Variants in ALK observed in about 807,000 individuals in gnomAD.
ALK encodes ALK receptor tyrosine kinase.
In ALK, 74 loss-of-function variants were observed where a neutral mutation model predicts 163.1. That is an observed-to-expected ratio of 0.45 (90% CI 0.38 to 0.55). The LOEUF (loss-of-function observed/expected upper bound fraction) is 0.55. Ranked by LOEUF, ALK falls within the 20% of genes least tolerant of loss-of-function variation. The probability of loss-of-function intolerance (pLI) is 0.00; values close to 1 mark genes in which losing one functional copy is unlikely to be tolerated. For missense variants in ALK, 2,063 were observed against 2,105.3 expected, an observed-to-expected ratio of 0.98 and a Z score of 0.39; for synonymous variants, 960 against 843.2, an observed-to-expected ratio of 1.14 and a Z score of -2.40.
At chr2:29,429,759 C>A (rs940977119) in intron 4 of ALK, among the ~76,000 whole-genome samples, 7 of 151,930 alleles carry the variant, frequency 4.6e-5, no homozygotes. Flanking sequence ...TTTCGAGGGA[C>A]CCCAAATAGC....
intron 1 of ALK, among the ~76,000 whole-genome samples, chr2:29,829,417 AG>A (rs1384530248): frequency 3.3e-5 from 5 of 152,024 alleles, no homozygotes; most frequent in Non-Finnish European, 5.9e-5. Flanking sequence ...GTCTCTTTCA[AG>A]GCTGGGGAGT....
chr2:29,859,747 G>A (rs1322106229), intron 1 of ALK, among the ~76,000 whole-genome samples: 1 of 152,218 alleles, frequency 6.6e-6, no homozygotes, highest in Non-Finnish European at 1.5e-5. Context: ...TGTCAGGGGA[G>A]GAGAAGACGG....
chr2:29,680,397 T>C (rs1258061954), intron 3 of ALK, among the ~76,000 whole-genome samples: 1 of 152,120 alleles, frequency 6.6e-6, no homozygotes, highest in Non-Finnish European at 1.5e-5. Flanking sequence ...TTCTTTAGGG[T>C]GAAAAATTTA....
intron 11 of ALK, among the ~76,000 whole-genome samples, chr2:29,251,471 G>A (rs1469389750): frequency 2.6e-5 from 4 of 152,236 alleles, no homozygotes; most frequent in African/African-American, 9.6e-5. Flanking sequence ...CCCTGAGTCA[G>A]AGACAAAGAT....
chr2:29,218,074 G>A (rs1244215378), intron 23 of ALK, among the ~76,000 whole-genome samples: 1 of 152,146 alleles, frequency 6.6e-6, no homozygotes, highest in African/African-American at 2.4e-5. Flanking sequence ...CCCCAGGGAA[G>A]CTGCTGCCAC....
At position 29,193,050 on chromosome 2, in the gene ALK, G is replaced by T; in HGVS notation, c.*174C>A. 1 of 706,396 alleles carries T rather than the reference G, an allele frequency of 1.4e-6. No homozygotes were observed. The highest frequency in any genetic ancestry group is 2.5e-6 in the Non-Finnish European group (1 of 406,082). The allele number at this position is 706,396 out of a possible 1,614,324, so 43.8% of individuals were successfully genotyped here. A position where few individuals can be genotyped will look rare whatever the true frequency, so the allele number is the denominator to read the frequency against. On this transcript the variant is annotated 3_prime_UTR_variant, in exon 29 of 29. Transcript: ENST00000389048. ...TTTCGAAAGAATAGGATGAACCCATGCTCAAAACCTTTCTAAAGCATTTTC... is the reference window on the plus strand; with the variant it reads ...TTTCGAAAGAATAGGATGAACCCATTCTCAAAACCTTTCTAAAGCATTTTC...
chr2:29,481,576 C>T (rs764531156), intron 4 of ALK, among the ~76,000 whole-genome samples: 6 of 152,136 alleles, frequency 3.9e-5, no homozygotes, highest in African/African-American at 1.2e-4. Flanking sequence ...CTAGAATCTC[C>T]GACTTTGGCA....
At chr2:29,754,145 C>T (rs1351319291) in intron 1 of ALK, among the ~76,000 whole-genome samples, 1 of 152,212 alleles carries the variant, frequency 6.6e-6, no homozygotes, top group African/African-American at 2.4e-5. Context: ...AGGCAGTGCT[C>T]ATTCTGTTCT....
intron 13 of ALK, 37 bp from the exon 14 acceptor site, chr2:29,233,733 A>G: frequency 6.2e-7 from 1 of 1,613,960 alleles, no homozygotes; most frequent in Admixed American, 1.7e-5. Flanking sequence ...TTGTGGCCAA[A>G]CCAGAGTTCT....
intron 1 of ALK, among the ~76,000 whole-genome samples, chr2:29,867,520 C>A (rs779369312): frequency 2.0e-5 from 3 of 152,172 alleles, no homozygotes; most frequent in Non-Finnish European, 4.4e-5. Flanking sequence ...TGAGTTGCAA[C>A]AAGACCGTTT....
At chr2:29,440,714 C>A (rs903019446) in intron 4 of ALK, among the ~76,000 whole-genome samples, 2 of 152,192 alleles carry the variant, frequency 1.3e-5, no homozygotes, top group African/African-American at 4.8e-5. Flanking sequence ...AGGGCATGAA[C>A]CCTTGACAAG....
intron 1 of ALK, among the ~76,000 whole-genome samples, chr2:29,844,613 G>A (rs991845980): frequency 1.2e-4 from 19 of 152,064 alleles, no homozygotes; most frequent in African/African-American, 4.6e-4. Context: ...ATCTTCTGAA[G>A]GTTAGAACCA....
intron 1 of ALK, among the ~76,000 whole-genome samples, chr2:29,885,562 C>CAAAA (rs34179501): frequency 1.4e-4 from 19 of 133,144 alleles, no homozygotes; most frequent in African/African-American, 5.2e-4. Flanking sequence ...ATGGATATGG[C>CAAAA]AAAAAAAAAA....
At chr2:29,794,933 A>G (rs1572385037) in intron 1 of ALK, among the ~76,000 whole-genome samples, 1 of 152,182 alleles carries the variant, frequency 6.6e-6, no homozygotes, top group Admixed American at 6.5e-5. Context: ...CTTTCCAAGC[A>G]GAGTCACCAC....
At chr2:29,237,032 G>A (rs1331828067) in intron 13 of ALK, among the ~76,000 whole-genome samples, 3 of 152,164 alleles carry the variant, frequency 2.0e-5, no homozygotes, top group Non-Finnish European at 4.4e-5. Flanking sequence ...CTCAGGTGAT[G>A]GCAGCTCCCT....
chr2:29,466,205 C>T (rs1671208353), intron 4 of ALK, among the ~76,000 whole-genome samples: 1 of 152,148 alleles, frequency 6.6e-6, no homozygotes, highest in East Asian at 1.9e-4. Flanking sequence ...TTTCTTCCTT[C>T]TTCTTTAAAA....
At chr2:29,275,610 G>T (rs778885130) in intron 9 of ALK, 114 bp from the exon 10 acceptor site, 2 of 1,071,276 alleles carry the variant, frequency 1.9e-6, no homozygotes, top group South Asian at 1.3e-5. Flanking sequence ...GTTTGAAAAA[G>T]GCTCGCTAAT....
chr2:29,775,448 T>C (rs1320940910), intron 1 of ALK, among the ~76,000 whole-genome samples: 14 of 151,830 alleles, frequency 9.2e-5, no homozygotes, highest in African/African-American at 3.4e-4. Context: ...ACCACATGAA[T>C]GAAGCCTTAG....
chr2:29,641,449 T>C (rs574715206), intron 3 of ALK, among the ~76,000 whole-genome samples: 3 of 152,208 alleles, frequency 2.0e-5, no homozygotes, highest in South Asian at 2.1e-4. Context: ...ACATTGTGAG[T>C]TGGATCTGCT....
Sources: allele counts gnomAD v4.1 joint callset (sites outside exome capture counted in the v4.1 genomes callset), GRCh38; gene constraint gnomAD v4.1.1; transcripts MANE v1.5; gene names NCBI Gene and HGNC (gene_info 2026-07-23, HGNC 2026-07-21).